The following ABCF3 variants were observed in gnomAD, a reference collection of about 807,000 sequenced individuals.
ABCF3 encodes ATP-binding cassette sub-family F member 3.
In ABCF3, 62 loss-of-function variants were observed where a neutral mutation model predicts 94.3. The ratio of observed to expected loss-of-function variants is 0.66; its 90% CI spans 0.54 to 0.81. ABCF3 has a LOEUF of 0.81. Ranked by LOEUF, ABCF3 falls within the 40% of genes least tolerant of loss-of-function variation. The probability of loss-of-function intolerance (pLI) is 0.00; values close to 1 mark genes in which losing one functional copy is unlikely to be tolerated. For synonymous variants in ABCF3, 355 were observed against 361.1 expected, an observed-to-expected ratio of 0.98 and a Z score of 0.19; for missense variants, 843 against 925.3, an observed-to-expected ratio of 0.91 and a Z score of 1.15.
At chr3:184,190,799 T>G in intron 14 of ABCF3, 200 bp from the exon 15 acceptor site, 1 of 614,440 alleles carries the variant, frequency 1.6e-6, no homozygotes, top group Non-Finnish European at 2.8e-6. Flanking sequence ...TATCACAATA[T>G]AGTAACTGGG....
In ABCF3 at chr3:184,191,189, C is replaced by T. The variant is rs374618152; in HGVS notation, c.1503C>T (p.Tyr501=). The T allele has an allele frequency of 4.0e-5, 65 of 1,614,088 alleles. No individual in the cohort carries two copies. In the East Asian group the frequency reaches 5.3e-4, roughly 13 times the overall value. Residue 501 remains tyrosine (Y), a synonymous_variant, in exon 16 of 21, where the codon TAC becomes TAT. Coordinates refer to ENST00000429586, the MANE Select transcript of ABCF3 (RefSeq NM_018358.3). Reference sequence around the variant, plus strand: ...AGCTAGATGAGGTGGATTTCTACTACGATCCGAAGCACGTCATCTTCAGTC... The same window carrying T: ...AGCTAGATGAGGTGGATTTCTACTATGATCCGAAGCACGTCATCTTCAGTC... ...ILQLDEVDFY[Y]DPKHVIFSRL...
At chr3:184,190,361 C>T in intron 14 of ABCF3, 1 of 196,660 alleles carries the variant, frequency 5.1e-6, no homozygotes, top group South Asian at 9.6e-5. Context: ...GGGTTGTTTC[C>T]ATTTTGGTTA....
chr3:184,187,806 G>C, intron 5 of ABCF3, 45 bp downstream of exon 5: 3 of 1,614,124 alleles, frequency 1.9e-6, no homozygotes, highest in African/African-American at 2.7e-5. Flanking sequence ...AGCAGCTTTT[G>C]CCTGGACAGA....
intron 7 of ABCF3, 70 bp from the exon 8 acceptor site, chr3:184,188,691 C>A: frequency 1.3e-6 from 2 of 1,492,706 alleles, no homozygotes; most frequent in Non-Finnish European, 9.2e-7. Context: ...GCCTTTCCAA[C>A]GGTATAGGGT....
At position 184,189,558 on chromosome 3, in the gene ABCF3, C is replaced by G. The variant is rs199952896; in HGVS notation, c.1115C>G (p.Thr372Arg). 3 of 1,614,008 alleles carry G rather than the reference C, an allele frequency of 1.9e-6. No individual in the cohort carries two copies. The highest frequency in any genetic ancestry group is 2.5e-6 in the Non-Finnish European group (3 of 1,180,052). ...GCCTGCTGTCCTGTGACCCCTCAGA[C>G]GTGGCCCTCCACCATCCTAGTCGTC... ...AILWLENYLQ[T>R]WPSTILVVSH... is the part of the protein sequence containing the mutation. The change falls in exon 13 of 21, where the codon ACG becomes AGG. Residue 372 changes from threonine to arginine, a missense_variant and splice_region_variant. Coordinates refer to ENST00000429586, the MANE Select transcript of ABCF3 (RefSeq NM_018358.3).
chr3:184,192,753 C>G, intron 17 of ABCF3, 52 bp from the exon 18 acceptor site: 1 of 1,610,074 alleles, frequency 6.2e-7, no homozygotes, highest in Admixed American at 1.7e-5. Context: ...TGCCTGCGCT[C>G]CTTCGTGGCC....
At chr3:184,189,363 A>G (rs1715858767) in intron 11 of ABCF3, 25 bp from the exon 12 acceptor site, 5 of 1,614,014 alleles carry the variant, frequency 3.1e-6, no homozygotes, top group Non-Finnish European at 3.4e-6. Flanking sequence ...TTCAATCCCA[A>G]GTGTGTGCTC....
At position 184,186,244 on chromosome 3, in the gene ABCF3, C is replaced by G; in HGVS notation, c.37C>G (p.Pro13Ala). The G allele has an allele frequency of 6.2e-7, 1 of 1,614,262 alleles. No homozygotes were observed. Among genetic ancestry groups the G allele is most frequent in the Non-Finnish European group, 8.5e-7 (1 of 1,180,050 alleles). Residue 13 changes from proline to alanine, a missense_variant, in exon 1 of 21, where the codon CCC becomes GCC. Coordinates refer to ENST00000429586, the MANE Select transcript of ABCF3 (RefSeq NM_018358.3). ...CGCCGAAATCCTGCGGAGCGAGTTC[C>G]CCGAAATTGACGGACAAGTCTTCGA... ...TCAEILRSEF[P>A]EIDGQVFDYV...
Position 184,193,390 on chromosome 3 carries a change from C to A in ABCF3, c.1909C>A (p.Pro637Thr). The stretch of plus-strand genomic sequence containing the variant: ...CCCCAACTTCTACATTCTGGATGAA[C>A]CCACAAACCACCTGGACATGGAGAC... ...PCPNFYILDE[P>T]TNHLDMETIE... The change falls in exon 20 of 21, where the codon CCC becomes ACC. Residue 637 changes from proline to threonine, a missense_variant. By Grantham distance (38) the Pro-to-Thr change is conservative. Coordinates refer to ENST00000429586, the MANE Select transcript of ABCF3 (RefSeq NM_018358.3). This position sits in a 1 kb window ranked among gnomAD's most constrained non-coding sequence, Gnocchi z 5.2. The A allele has an allele frequency of 6.2e-7, 1 of 1,614,198 alleles. No individual in the cohort carries two copies. The highest frequency in any genetic ancestry group is 8.5e-7 in the Non-Finnish European group (1 of 1,180,038).
chr3:184,188,555 T>C, intron 7 of ABCF3, 148 bp downstream of exon 7: 1 of 1,154,258 alleles, frequency 8.7e-7, no homozygotes, highest in Non-Finnish European at 1.2e-6. Flanking sequence ...CCCTTGTTCT[T>C]TCCACAGTGC....
At chr3:184,186,441 G>A (rs937257168) in intron 1 of ABCF3, 66 bp from the exon 2 acceptor site, 3 of 1,581,372 alleles carry the variant, frequency 1.9e-6, no homozygotes, top group African/African-American at 2.7e-5. Context: ...CCTCTGTCTG[G>A]GGTCTGAAAC....
In ABCF3 at chr3:184,192,832, G is replaced by A; in HGVS notation, c.1686G>A (p.Gln562=). ...ATCTGAAGATTGGCTATTTCAGCCA[G>A]CACCATGTGGAGCAGCTGGACCTAA... is the stretch of plus-strand genomic sequence containing the variant. The part of the protein sequence containing the change: ...HRNLKIGYFS[Q]HHVEQLDLNV... The change falls in exon 18 of 21, where the codon CAG becomes CAA. Residue 562 remains glutamine (Q), a synonymous_variant. Transcript: ENST00000429586. The A allele has an allele frequency of 6.2e-7, 1 of 1,614,210 alleles. No individual in the cohort carries two copies. Among genetic ancestry groups the A allele is most frequent in the Non-Finnish European group, 8.5e-7 (1 of 1,180,002 alleles).
Position 184,191,749 on chromosome 3 carries a change from C to CTTTTTTTT in ABCF3, c.1569+501_1569+508dup, listed in dbSNP as rs375009324. Among the ~76,000 whole-genome samples the CTTTTTTTT allele has an allele frequency of 2.3e-4, 26 of 114,716 alleles. 1 individual carries two copies. In the Middle Eastern group the frequency reaches 0.015, roughly 66 times the overall value. 75.3% of individuals were successfully genotyped at this position (114,716 alleles called of 152,430 possible). ...GCATTTTTCTGTAGAGTTAGAGTTC[C>CTTTTTTTT]TTTTTTTTTTTTTTCGGAGACAGAG... is the stretch of plus-strand genomic sequence containing the variant. On this transcript the variant is annotated intron_variant, in intron 16 of 20. Transcript: ENST00000429586.
chr3:184,191,618 G>T (rs1716026586), intron 16 of ABCF3, among the ~76,000 whole-genome samples: 1 of 152,152 alleles, frequency 6.6e-6, no homozygotes, highest in East Asian at 1.9e-4. Context: ...TTACCAAGCA[G>T]CTTCCTAACT....
rs751658391 is a variant in ABCF3 at position 184,189,699 on chromosome 3, G to A, written c.1256G>A (p.Arg419Gln). Residue 419 changes from arginine (R) to glutamine (Q), a missense_variant, in exon 13 of 21, where the codon CGG (arginine) becomes CAG (glutamine). Transcript: ENST00000429586. ...FETFIKSKQE[R>Q]LLNQQREYEA... ...ACCTTCATCAAGAGTAAGCAGGAGC[G>A]GCTGCTCAACCAGCAGCGTGAATAT... is the stretch of plus-strand genomic sequence containing the variant. The A allele has an allele frequency of 2.3e-5, 37 of 1,613,964 alleles. No individual in the cohort carries two copies. Among genetic ancestry groups the A allele is most frequent in the Non-Finnish European group, 2.8e-5 (33 of 1,180,032 alleles).
chr3:184,193,872 C>A lies in ABCF3; in HGVS notation c.*174C>A. On this transcript the variant is annotated 3_prime_UTR_variant, in exon 21 of 21. Coordinates refer to ENST00000429586, the MANE Select transcript of ABCF3 (RefSeq NM_018358.3). This position sits in a 1 kb window ranked among gnomAD's most constrained non-coding sequence, Gnocchi z 5.2. ...TTCTGCACAACCTTGGGAGCCCATC[C>A]AAGGGTTGGTGAGGACTGGTCTCCC... 2 of 905,172 alleles carry A rather than the reference C, an allele frequency of 2.2e-6. No homozygotes were observed. The highest frequency in any genetic ancestry group is 3.2e-6 in the Non-Finnish European group (2 of 621,082). 56.1% of individuals were successfully genotyped at this position (905,172 alleles called of 1,614,324 possible).
Position 184,189,717 on chromosome 3 carries a change from G to A in ABCF3, c.1274G>A (p.Arg425His), listed in dbSNP as rs756508009. The A allele has an allele frequency of 2.1e-5, 34 of 1,613,868 alleles. No individual in the cohort carries two copies. The highest frequency in any genetic ancestry group is 2.4e-5 in the Non-Finnish European group (28 of 1,180,014). Residue 425 changes from arginine to histidine, a missense_variant, in exon 13 of 21, where the codon CGT becomes CAT. By Grantham distance (29) the Arg-to-His change is conservative. Transcript: ENST00000429586. Reference sequence around the variant, plus strand: ...CAGGAGCGGCTGCTCAACCAGCAGCGTGAATATGAGGCGCAGCAGCAGTAT... The same window carrying A: ...CAGGAGCGGCTGCTCAACCAGCAGCATGAATATGAGGCGCAGCAGCAGTAT... ...SKQERLLNQQ[R>H]EYEAQQQYRQ... is the part of the protein sequence containing the mutation.
chr3:184,191,320 G>C lies in ABCF3; in HGVS notation c.1569+65G>C, dbSNP rs1245425898. The C allele has an allele frequency of 2.5e-6, 4 of 1,605,026 alleles. No homozygotes were observed. The African/African-American group carries it at 5.3e-5, about 21-fold the overall frequency. ...CCTGTCTAAGTGTGTGGTGTGGATT[G>C]GCCCAGATCCTCAGGCTGTAAAGGG... is the stretch of plus-strand genomic sequence containing the variant. On this transcript the variant is annotated intron_variant, in intron 16 of 20. Transcript: ENST00000429586.
rs545014036 is a variant in ABCF3 at position 184,192,436 on chromosome 3, T to C, written c.1570-165T>C. Among the ~76,000 whole-genome samples the C allele has an allele frequency of 1.3e-4, 20 of 152,128 alleles. No individual in the cohort carries two copies. The South Asian group carries it at 1.7e-3, about 13-fold the overall frequency. ...AGTTAACCAACCTCTCCCGAACCCCTCTCTCAATTCCCCTCCTCCCCCCTT... is the reference window on the plus strand; with the variant it reads ...AGTTAACCAACCTCTCCCGAACCCCCCTCTCAATTCCCCTCCTCCCCCCTT... On this transcript the variant is annotated intron_variant, in intron 16 of 20. Transcript: ENST00000429586.
Sources: allele counts gnomAD v4.1 joint callset (sites outside exome capture counted in the v4.1 genomes callset), GRCh38; gene constraint gnomAD v4.1.1; non-coding constraint Gnocchi (gnomAD v3.1); transcripts MANE v1.5; gene names NCBI Gene and HGNC (gene_info 2026-07-23, HGNC 2026-07-21).